Variants in TIAM2 observed in about 807,000 individuals in gnomAD.
The protein encoded by TIAM2 is rho guanine nucleotide exchange factor TIAM2.
A neutral mutation model predicts 152.9 loss-of-function variants in TIAM2; 80 were observed. The ratio of observed to expected loss-of-function variants is 0.52; its 90% CI spans 0.44 to 0.63. The LOEUF (loss-of-function observed/expected upper bound fraction) is 0.63, where lower values mean the gene tolerates loss of function less well. Ranked by LOEUF, TIAM2 falls within the 30% of genes least tolerant of loss-of-function variation. The pLI is 0.00. For synonymous variants in TIAM2, 804 were observed against 838.0 expected, an observed-to-expected ratio of 0.96 and a Z score of 0.70; for missense variants, 1,965 against 2,120.1, an observed-to-expected ratio of 0.93 and a Z score of 1.44.
chr6:155,188,255 T>C (rs1478426167), intron 14 of TIAM2, among the ~76,000 whole-genome samples: 1 of 152,208 alleles, frequency 6.6e-6, no homozygotes, highest in African/African-American at 2.4e-5. Flanking sequence ...GAAGACACCA[T>C]GTTCCATTTG....
intron 9 of TIAM2, among the ~76,000 whole-genome samples, 172 bp from the exon 10 acceptor site, chr6:155,176,644 A>T (rs1366668345): frequency 1.3e-5 from 2 of 152,216 alleles, no homozygotes; most frequent in Non-Finnish European, 2.9e-5. Context: ...GTTTCATCTG[A>T]TAAAATGAGT....
chr6:155,211,244 G>T lies in TIAM2; in HGVS notation c.3105G>T (p.Arg1035Ser). ...NVPDITTGLK[R>S]SQTDGTLDQV... ...CTGATATCACAACAGGTCTGAAAAGGAGTCAGACAGATGGCACTCTGGATC... is the reference window on the plus strand; with the variant it reads ...CTGATATCACAACAGGTCTGAAAAGTAGTCAGACAGATGGCACTCTGGATC... Residue 1035 changes from arginine to serine, a missense_variant, in exon 15 of 27, where the codon AGG becomes AGT. Around this residue, in one of 3 missense-constraint regions of TIAM2, gnomAD observed 935 missense variants for 980.0 expected, o/e 0.95. Coordinates refer to ENST00000682666, the MANE Select transcript of TIAM2 (RefSeq NM_012454.4). 1 of 1,613,584 alleles carries T rather than the reference G, an allele frequency of 6.2e-7. No homozygotes were observed. The highest frequency in any genetic ancestry group is 1.1e-5 in the South Asian group (1 of 91,052).
In TIAM2 at chr6:155,088,998, T is replaced by G. The variant is rs568415391; in HGVS notation, c.-208-1291T>G. On this transcript the variant is annotated intron_variant, in intron 1 of 26. Transcript: ENST00000682666. ...TTATTGCCATAAAACAGTATCTTGT[T>G]TACATCACAGAGTTAATATCATGCC... Among the ~76,000 whole-genome samples the G allele has an allele frequency of 3.4e-3, 517 of 152,230 alleles. 2 individuals are homozygous for G. Among genetic ancestry groups the G allele is most frequent in the African/African-American group, 0.012 (483 of 41,542 alleles).
At chr6:155,246,242 C>T (rs1783322728) in intron 19 of TIAM2, among the ~76,000 whole-genome samples, 1 of 151,686 alleles carries the variant, frequency 6.6e-6, no homozygotes, top group African/African-American at 2.4e-5. Context: ...GCCTGGAGGG[C>T]ATCTGGAGGT....
At chr6:155,149,818 G>A (rs1159812579) in intron 7 of TIAM2, among the ~76,000 whole-genome samples, 1 of 151,964 alleles carries the variant, frequency 6.6e-6, no homozygotes, top group Non-Finnish European at 1.5e-5. Flanking sequence ...AGCTACTCTG[G>A]AAGCTGAGGC....
At chr6:155,102,040 T>A (rs558085103) in intron 2 of TIAM2, among the ~76,000 whole-genome samples, 1 of 151,448 alleles carries the variant, frequency 6.6e-6, no homozygotes, top group African/African-American at 2.4e-5. Flanking sequence ...TCGCCCAGGC[T>A]GGAGTAAGTG....
intron 1 of TIAM2, among the ~76,000 whole-genome samples, chr6:155,020,828 C>T (rs940417850): frequency 1.3e-5 from 2 of 152,104 alleles, no homozygotes; most frequent in African/African-American, 4.8e-5. Context: ...CACCACTATC[C>T]ATCTCCAGAA....
At chr6:155,117,724 C>T (rs6557401) in intron 2 of TIAM2, among the ~76,000 whole-genome samples, 65,218 of 151,850 alleles carry the variant, frequency 0.43, 15,879 homozygotes, top group East Asian at 0.66. Context: ...ATTACAGGCA[C>T]GAGCCACTGT....
At chr6:155,118,607 A>G (rs563609538) in intron 2 of TIAM2, among the ~76,000 whole-genome samples, 1 of 151,006 alleles carries the variant, frequency 6.6e-6, no homozygotes, top group Admixed American at 6.6e-5. Flanking sequence ...TAATTTTTGT[A>G]TTTTTTTAGT....
intron 10 of TIAM2, among the ~76,000 whole-genome samples, chr6:155,177,901 G>A (rs1780792914): frequency 6.6e-6 from 1 of 152,160 alleles, no homozygotes; most frequent in African/African-American, 2.4e-5. Context: ...TCAGCTGGGA[G>A]CAGTGGCTCA....
chr6:155,091,492 C>A (rs1269985682), intron 2 of TIAM2, among the ~76,000 whole-genome samples: 2 of 152,212 alleles, frequency 1.3e-5, no homozygotes, highest in East Asian at 3.9e-4. Flanking sequence ...CTTATTCACA[C>A]TGGAGGATAT....
chr6:155,002,591 T>G (rs1378205271), intron 1 of TIAM2, among the ~76,000 whole-genome samples: 1 of 152,174 alleles, frequency 6.6e-6, no homozygotes, highest in East Asian at 1.9e-4. Flanking sequence ...CTTAGGTACT[T>G]GTGTCTATAT....
chr6:155,033,811 G>T (rs556722519), intron 1 of TIAM2, among the ~76,000 whole-genome samples: 13 of 151,784 alleles, frequency 8.6e-5, no homozygotes, highest in Admixed American at 7.2e-4. Flanking sequence ...CCCCCTCCCG[G>T]GTTCAAGCAA....
At chr6:155,145,089 G>A (rs549621830) in intron 6 of TIAM2, among the ~76,000 whole-genome samples, 7 of 152,262 alleles carry the variant, frequency 4.6e-5, no homozygotes, top group African/African-American at 1.4e-4. Context: ...TCTAGTGAGC[G>A]CAATGGTCAA....
intron 1 of TIAM2, among the ~76,000 whole-genome samples, chr6:155,029,905 G>A (rs545828429): frequency 7.9e-5 from 12 of 151,470 alleles, no homozygotes; most frequent in African/African-American, 1.7e-4. Flanking sequence ...CCATCCTCCC[G>A]TCTCAGCCTC....
chr6:155,113,691 G>A (rs939927960), intron 2 of TIAM2, among the ~76,000 whole-genome samples: 2 of 152,020 alleles, frequency 1.3e-5, no homozygotes, highest in African/African-American at 4.8e-5. Flanking sequence ...GCCACTGCAA[G>A]CCAGCCTGGG....
chr6:155,144,613 G>A lies in TIAM2; in HGVS notation c.1638G>A (p.Thr546=), dbSNP rs751294149. The A allele has an allele frequency of 4.6e-6, 7 of 1,531,470 alleles. No homozygotes were observed. Among genetic ancestry groups the A allele is most frequent in the Middle Eastern group, 1.7e-4 (1 of 5,776 alleles). 94.9% of individuals were successfully genotyped at this position (1,531,470 alleles called of 1,614,324 possible). ...KQYWVTLKGC[T]LLFYETYGKN... is the part of the protein sequence containing the mutation. ...TGCTTCTCTGTTTCACAGGATGCAC[G>A]CTGCTGTTTTATGAGACCTATGGGA... The change falls in exon 6 of 27, where the codon ACG becomes ACA. Residue 546 remains threonine (T), a synonymous_variant. Transcript: ENST00000682666.
In TIAM2 at chr6:155,129,147, T is replaced by C; in HGVS notation, c.-6-71T>C. On this transcript the variant is annotated intron_variant, in intron 3 of 26. Coordinates refer to ENST00000682666, the MANE Select transcript of TIAM2 (RefSeq NM_012454.4). The surrounding 1 kb of genome is among the most constrained non-coding windows in gnomAD (Gnocchi z 4.8). ...GCTGTGTAATATGCAGGGCATTCTT[T>C]TTAGAAAGTTCTGTCATAATGGAAT... 1 of 1,428,776 alleles carries C rather than the reference T, an allele frequency of 7.0e-7. No homozygotes were observed. The allele number at this position is 1,428,776 out of a possible 1,614,324, so 88.5% of individuals were successfully genotyped here.
chr6:155,059,692 C>G (rs1777534134), intron 1 of TIAM2, among the ~76,000 whole-genome samples: 1 of 152,066 alleles, frequency 6.6e-6, no homozygotes, highest in African/African-American at 2.4e-5. Context: ...GGTGATAAGC[C>G]CCTCTCCTTG....
Sources: gnomAD v4.1 joint callset for allele counts (sites outside exome capture counted in the v4.1 genomes callset) on GRCh38, gnomAD v4.1.1 for gene constraint, gnomAD v4.1.1 regional missense constraint, Gnocchi (gnomAD v3.1) non-coding constraint, MANE v1.5 for transcripts, NCBI Gene and HGNC (gene_info 2026-07-23, HGNC 2026-07-21) for gene names.